Variants in TPX2 observed in about 807,000 individuals in gnomAD.
TPX2 encodes the protein TPX2 microtubule nucleation factor.
A neutral mutation model predicts 93.6 loss-of-function variants in TPX2; 21 were observed. The observed-to-expected ratio is 0.22, with a 90% confidence interval of 0.16 to 0.32. The LOEUF (loss-of-function observed/expected upper bound fraction) is 0.32, where lower values mean the gene tolerates loss of function less well. TPX2 is among the 10% of genes least tolerant of loss of function. The pLI, the probability that TPX2 is intolerant of heterozygous loss-of-function variation, is 1.00. For missense variants in TPX2, 776 were observed against 871.1 expected (o/e 0.89, Z 1.37); for synonymous variants, 281 against 298.3 (o/e 0.94, Z 0.60).
At position 31,797,449 on chromosome 20, in the gene TPX2, G is replaced by T; in HGVS notation, c.1879G>T (p.Ala627Ser). ...RQQKEAACFK[A>S]RPNTVISQEP... ...GCAGAAAGAAGCAGCTTGTTTCAAG[G>T]CTCGTCCAAACACCGTCATCTCTCA... is the stretch of plus-strand genomic sequence containing the variant. The change falls in exon 16 of 18, where the codon GCT (alanine) becomes TCT (serine). Residue 627 changes from alanine to serine, a missense_variant. Physicochemically the swap from Ala to Ser is moderately conservative, Grantham distance 99 (BLOSUM62 1). Around this residue, in one of 3 missense-constraint regions of TPX2, gnomAD observed 461 missense variants for 551.2 expected, o/e 0.84. Transcript: ENST00000300403. 1 of 1,614,014 alleles carries T rather than the reference G, an allele frequency of 6.2e-7. No individual in the cohort carries two copies. The highest frequency in any genetic ancestry group is 8.5e-7 in the Non-Finnish European group (1 of 1,179,924).
chr20:31,787,413 A>G (rs1398747559), intron 12 of TPX2, among the ~76,000 whole-genome samples: 1 of 151,918 alleles, frequency 6.6e-6, no homozygotes, highest in Admixed American at 6.6e-5. Flanking sequence ...TAGCATAGGA[A>G]GAGATGTTAG....
intron 15 of TPX2, 94 bp downstream of exon 15, chr20:31,794,642 C>T: frequency 6.8e-7 from 1 of 1,471,532 alleles, no homozygotes; most frequent in Non-Finnish European, 9.2e-7. Context: ...GGTTAACATG[C>T]TACATTGTTT....
rs1334711571 is a variant in TPX2 at position 31,771,353 on chromosome 20, G to C, written c.486-207G>C. On this transcript the variant is annotated intron_variant, in intron 6 of 17. Transcript: ENST00000300403. ...ACCACCACTAGATAACTCTTATCTT[G>C]ATAGCGGTTGGCTTTCTCAAAGTTT... Among the ~76,000 whole-genome samples the C allele has an allele frequency of 2.0e-5, 3 of 152,134 alleles. No individual in the cohort carries two copies. The East Asian group carries it at 5.8e-4, about 29-fold the overall frequency.
intron 10 of TPX2, among the ~76,000 whole-genome samples, chr20:31,781,262 T>G (rs900028068): frequency 2.1e-5 from 3 of 145,212 alleles, no homozygotes; most frequent in Admixed American, 6.8e-5. Context: ...TCTTTTTTTT[T>G]TTTTTTTTTT....
At chr20:31,782,501 T>C (rs1267528512) in intron 11 of TPX2, 111 bp downstream of exon 11, 13 of 1,398,428 alleles carry the variant, frequency 9.3e-6, no homozygotes, top group Non-Finnish European at 1.3e-5. Context: ...ATTTATGGCA[T>C]TTGAGTAGTA....
chr20:31,786,439 A>G (rs1172392872), intron 12 of TPX2, among the ~76,000 whole-genome samples: 1 of 136,560 alleles, frequency 7.3e-6, no homozygotes, highest in South Asian at 2.2e-4. Context: ...TCTGTTGCCC[A>G]GGCTAGAGTG....
At chr20:31,768,109 T>C (rs1219708768) in intron 5 of TPX2, among the ~76,000 whole-genome samples, 1 of 151,942 alleles carries the variant, frequency 6.6e-6, no homozygotes, top group African/African-American at 2.4e-5. Context: ...AATTTTCGTA[T>C]TTTTTGTAGA....
chr20:31,790,291 T>C (rs2062092390), intron 12 of TPX2, among the ~76,000 whole-genome samples: 1 of 152,222 alleles, frequency 6.6e-6, no homozygotes, highest in African/African-American at 2.4e-5. Flanking sequence ...GCATTCTCAG[T>C]GGTCACCTTG....
At chr20:31,795,821 CT>C (rs1259255027) in intron 15 of TPX2, among the ~76,000 whole-genome samples, 2 of 152,224 alleles carry the variant, frequency 1.3e-5, no homozygotes, top group Non-Finnish European at 2.9e-5. Flanking sequence ...TAATTGGGAT[CT>C]AATTCTACGT....
intron 10 of TPX2, chr20:31,781,144 G>A: frequency 6.1e-6 from 1 of 163,802 alleles, no homozygotes; most frequent in Non-Finnish European, 1.3e-5. Flanking sequence ...GGCTGGTCTT[G>A]AGCTCCTGGC....
At chr20:31,760,276 C>T (rs2061881350) in intron 4 of TPX2, 97 bp downstream of exon 4, 2 of 1,483,324 alleles carry the variant, frequency 1.3e-6, no homozygotes, top group Non-Finnish European at 1.8e-6. Flanking sequence ...TGCTCTATCT[C>T]TTTGTTTATT....
At chr20:31,791,385 G>A (rs112924773) in intron 12 of TPX2, among the ~76,000 whole-genome samples, 9 of 152,220 alleles carry the variant, frequency 5.9e-5, no homozygotes, top group African/African-American at 1.4e-4. Context: ...CTGGGTTCAC[G>A]CCAGTCTCCT....
chr20:31,751,291 T>A (rs1324784458), intron 2 of TPX2, among the ~76,000 whole-genome samples: 5 of 152,164 alleles, frequency 3.3e-5, no homozygotes, highest in African/African-American at 1.2e-4. Context: ...CATTCCTGCC[T>A]CTTCCTTCCC....
intron 15 of TPX2, 98 bp from the exon 16 acceptor site, chr20:31,797,306 T>TA: frequency 9.5e-7 from 1 of 1,049,138 alleles, no homozygotes. Context: ...CTGCTATTTT[T>TA]ATTGATGAAG....
intron 7 of TPX2, among the ~76,000 whole-genome samples, chr20:31,774,667 G>T (rs751962178): frequency 2.0e-5 from 3 of 152,144 alleles, no homozygotes; most frequent in Non-Finnish European, 4.4e-5. Context: ...GAAATGACAG[G>T]GTTGGGATTT....
At chr20:31,775,460 C>T (rs1270484353) in intron 7 of TPX2, among the ~76,000 whole-genome samples, 1 of 151,908 alleles carries the variant, frequency 6.6e-6, no homozygotes, top group African/African-American at 2.4e-5. Context: ...CCTGCAACCT[C>T]CCCCTCCCAG....
chr20:31,795,923 ATTG>A (rs930661951), intron 15 of TPX2, among the ~76,000 whole-genome samples: 1 of 152,158 alleles, frequency 6.6e-6, no homozygotes, highest in Non-Finnish European at 1.5e-5. Flanking sequence ...GCTCTAGGCT[ATTG>A]TTTGTTTGTA....
chr20:31,770,338 C>T lies in TPX2; in HGVS notation c.357-5C>T, dbSNP rs368340447. ...TTATATATTTTGTCAATTTCTCTAC[C>T]ATAGAAGATCTCTTAGGCTTTCTGC... On this transcript the variant is annotated splice_polypyrimidine_tract_variant and splice_region_variant and intron_variant, in intron 5 of 17. Transcript: ENST00000300403. The T allele has an allele frequency of 9.0e-5, 139 of 1,550,780 alleles. No homozygotes were observed. The highest frequency in any genetic ancestry group is 1.1e-4 in the Non-Finnish European group (124 of 1,152,784).
At position 31,798,497 on chromosome 20, in the gene TPX2, G is replaced by T. The variant is rs768387250; in HGVS notation, c.2078G>T (p.Arg693Ile). 7 of 1,613,260 alleles carry T rather than the reference G, an allele frequency of 4.3e-6. No individual in the cohort carries two copies. The East Asian group carries it at 1.6e-4, about 36-fold the overall frequency. Residue 693 changes from arginine (R) to isoleucine (I), a missense_variant, in exon 17 of 18, where the codon AGA becomes ATA. Transcript: ENST00000300403. ...AAAGCCCAGCAGTTGGAGGAGGCCA[G>T]ACTACAGGAGGAAGAGCAGAAAAAA... is the stretch of plus-strand genomic sequence containing the variant. ...AQKAQQLEEA[R>I]LQEEEQKKEE...
Sources: gnomAD v4.1 joint callset for allele counts (sites outside exome capture counted in the v4.1 genomes callset) on GRCh38, gnomAD v4.1.1 for gene constraint, gnomAD v4.1.1 regional missense constraint, MANE v1.5 for transcripts, NCBI Gene and HGNC (gene_info 2026-07-23, HGNC 2026-07-21) for gene names.